The following AMPD3 variants were observed in gnomAD, a reference collection of about 807,000 sequenced individuals.
AMPD3 encodes the protein adenosine monophosphate deaminase 3.
Under a neutral mutation model 82.3 loss-of-function variants are expected in AMPD3, and 57 were observed. The ratio of observed to expected loss-of-function variants is 0.69; its 90% CI spans 0.56 to 0.86. The LOEUF (loss-of-function observed/expected upper bound fraction) is 0.86. AMPD3 is among the 40% of genes least tolerant of loss of function. The pLI, the probability that AMPD3 is intolerant of heterozygous loss-of-function variation, is 0.00. For synonymous variants in AMPD3, 381 were observed against 394.7 expected, an observed-to-expected ratio of 0.97 and a Z score of 0.41; for missense variants, 870 against 1,003.8, an observed-to-expected ratio of 0.87 and a Z score of 1.80.
intron 4 of AMPD3, among the ~76,000 whole-genome samples, chr11:10,483,204 A>G (rs11042839): frequency 0.7 from 106,889 of 151,926 alleles, 37,751 homozygotes; most frequent in Admixed American, 0.76. Context: ...GGAGAGGGCT[A>G]GGTGGTTTCC....
chr11:10,464,198 G>C (rs1848352054), intron 2 of AMPD3, among the ~76,000 whole-genome samples: 1 of 152,212 alleles, frequency 6.6e-6, no homozygotes, highest in African/African-American at 2.4e-5. Context: ...ACTTCCTGCT[G>C]CTGAGACAGG....
At chr11:10,488,754 C>A (rs2133907459) in intron 6 of AMPD3, among the ~76,000 whole-genome samples, 1 of 152,194 alleles carries the variant, frequency 6.6e-6, no homozygotes, top group South Asian at 2.1e-4. Flanking sequence ...AGTGGGGTTG[C>A]CATCTCCACA....
chr11:10,450,764 G>C (rs1847939371), upstream of AMPD3: 1 of 1,157,064 alleles, frequency 8.6e-7, no homozygotes, highest in African/African-American at 1.6e-5. Context: ...TCCGCGCCCA[G>C]GTAGGGCACC....
chr11:10,502,364 G>C, intron 12 of AMPD3: 5 of 985,460 alleles, frequency 5.1e-6, no homozygotes, highest in Non-Finnish European at 6.0e-6. Context: ...GCTAGAGGGG[G>C]GCATCTTCTA....
chr11:10,500,107 G>C lies in AMPD3; in HGVS notation c.1579G>C (p.Asp527His), dbSNP rs1171231003. 1 of 1,614,164 alleles carries C rather than the reference G, an allele frequency of 6.2e-7. No individual in the cohort carries two copies. The highest frequency in any genetic ancestry group is 8.5e-7 in the Non-Finnish European group (1 of 1,180,026). The change falls in exon 11 of 15, where the codon GAT (aspartate) becomes CAT (histidine). Residue 527 changes from aspartate to histidine, a missense_variant. By Grantham distance (81) the Asp-to-His change is moderately conservative. Transcript: ENST00000396553. ...CCAGGTGACGGGGTTTGACAGCGTG[G>C]ATGATGAGTCCAAGCACAGCGACCA... ...LKYVTGFDSV[D>H]DESKHSDHMF...
rs888892877 is a variant in AMPD3 at position 10,485,155 on chromosome 11, A to G, written c.809+116A>G. The G allele has an allele frequency of 6.0e-6, 6 of 993,892 alleles. No individual in the cohort carries two copies. The African/African-American group carries it at 9.7e-5, about 16-fold the overall frequency. 61.6% of individuals were successfully genotyped at this position (993,892 alleles called of 1,614,324 possible). On this transcript the variant is annotated intron_variant, in intron 5 of 14. Transcript: ENST00000396553. ...TCCCCTGTACTTAAAGCATCCCAGA[A>G]AGAGCGCGGTTTCTCCTTTCCTCAG... is the stretch of plus-strand genomic sequence containing the variant.
intron 12 of AMPD3, chr11:10,502,150 C>T (rs1849598147): frequency 3.0e-6 from 3 of 985,270 alleles, no homozygotes; most frequent in Non-Finnish European, 1.2e-6. Flanking sequence ...TTTCCATTGG[C>T]ACGATGTTTG....
chr11:10,500,295 A>G, intron 11 of AMPD3, 46 bp downstream of exon 11: 1 of 1,599,260 alleles, frequency 6.3e-7, no homozygotes, highest in Non-Finnish European at 8.6e-7. Context: ...ATGTGTTAGT[A>G]CATGCACGCA....
At chr11:10,461,970 C>T (rs1225991243) in intron 2 of AMPD3, among the ~76,000 whole-genome samples, 2 of 152,126 alleles carry the variant, frequency 1.3e-5, no homozygotes, top group African/African-American at 4.8e-5. Flanking sequence ...TGAAAAAATA[C>T]ACACCATTTC....
upstream of AMPD3, chr11:10,450,831 T>G: frequency 2.5e-6 from 3 of 1,193,468 alleles, no homozygotes; most frequent in Non-Finnish European, 3.1e-6. Flanking sequence ...CCCTCCCTCC[T>G]CCCGCGGGGC....
intron 9 of AMPD3, chr11:10,496,251 T>G (rs1233512951): frequency 4.1e-6 from 4 of 985,256 alleles, no homozygotes; most frequent in Admixed American, 1.2e-4. Context: ...AATATAGATG[T>G]GCAAAGGCCT....
intron 2 of AMPD3, among the ~76,000 whole-genome samples, chr11:10,474,445 T>A (rs2133865822): frequency 6.6e-6 from 1 of 152,190 alleles, no homozygotes; most frequent in East Asian, 1.9e-4. Flanking sequence ...ACTTTAGCAT[T>A]TGAGTGCTAT....
At chr11:10,487,212 C>A in intron 5 of AMPD3, 23 bp from the exon 6 acceptor site, 1 of 1,613,826 alleles carries the variant, frequency 6.2e-7, no homozygotes, top group South Asian at 1.1e-5. Context: ...CAACTATGGT[C>A]TCTCCCCATC....
intron 6 of AMPD3, among the ~76,000 whole-genome samples, chr11:10,492,200 C>CA (rs1003740069): frequency 2.0e-5 from 3 of 152,256 alleles, no homozygotes; most frequent in Non-Finnish European, 4.4e-5. Flanking sequence ...GTGCCTTCTG[C>CA]AAAAAACTGC....
At chr11:10,492,009 A>C (rs1468573545) in intron 6 of AMPD3, among the ~76,000 whole-genome samples, 2 of 152,216 alleles carry the variant, frequency 1.3e-5, no homozygotes, top group Non-Finnish European at 2.9e-5. Context: ...GCCCAGGACC[A>C]GGCATCAAGA....
rs575847651 is a variant in AMPD3 at position 10,489,482 on chromosome 11, G to A, written c.939+2118G>A. 6.7e-4 allele frequency among the ~76,000 whole-genome samples: 102 copies of A among 152,266 alleles called. 1 individual carries two copies. Among genetic ancestry groups the A allele is most frequent in the Middle Eastern group, 6.8e-3 (2 of 294 alleles). On this transcript the variant is annotated intron_variant, in intron 6 of 14. Coordinates refer to ENST00000396553, the MANE Select transcript of AMPD3 (RefSeq NM_001025389.2). ...AGAAACAGTCCTGGCGTGGGGCTAG[G>A]GTAACAAATCAGAGCCTATCCCCAG... is the stretch of plus-strand genomic sequence containing the variant.
chr11:10,453,439 A>G (rs931100355), upstream of AMPD3, among the ~76,000 whole-genome samples: 4 of 152,208 alleles, frequency 2.6e-5, no homozygotes, highest in Non-Finnish European at 5.9e-5. Flanking sequence ...GAGATTTGTC[A>G]TGGAGCTGGT....
In AMPD3 at chr11:10,456,271, A is replaced by G. The variant is rs1848090007; in HGVS notation, c.-6+823A>G. 8.9e-6 allele frequency: 14 copies of G among 1,570,934 alleles called. No homozygotes were observed. The highest frequency in any genetic ancestry group is 1.2e-5 in the Non-Finnish European group (14 of 1,156,434). On this transcript the variant is annotated intron_variant, in intron 1 of 14. Transcript: ENST00000396553. This position sits in a 1 kb window ranked among gnomAD's most constrained non-coding sequence, Gnocchi z 4.3. ...ATGCAAAACAGAGACCTCCTACTCC[A>G]GCCGGCAGACAGGACCCAGCCAGCT...
chr11:10,450,507 G>C (rs1441976341), upstream of AMPD3: 1 of 985,982 alleles, frequency 1.0e-6, no homozygotes, highest in Admixed American at 6.1e-5. Flanking sequence ...GGGGAGGGGA[G>C]GACGTCGGGC....
Sources: gnomAD v4.1 joint callset for allele counts (sites outside exome capture counted in the v4.1 genomes callset) on GRCh38, gnomAD v4.1.1 for gene constraint, Gnocchi (gnomAD v3.1) non-coding constraint, MANE v1.5 for transcripts, NCBI Gene and HGNC (gene_info 2026-07-23, HGNC 2026-07-21) for gene names.